Variants in MLLT10 observed in about 807,000 individuals in gnomAD.
MLLT10 encodes MLLT10 histone lysine methyltransferase DOT1L cofactor.
In MLLT10, 30 loss-of-function variants were observed where a neutral mutation model predicts 129.1. The ratio of observed to expected loss-of-function variants is 0.23; its 90% CI spans 0.17 to 0.32. The LOEUF (loss-of-function observed/expected upper bound fraction) is 0.32, where lower values mean the gene tolerates loss of function less well. MLLT10 is among the 10% of genes least tolerant of loss of function. The probability of loss-of-function intolerance (pLI) is 1.00; values close to 1 mark genes in which losing one functional copy is unlikely to be tolerated. For synonymous variants in MLLT10, 490 were observed against 446.4 expected (o/e 1.10, Z -1.23); for missense variants, 1,119 against 1,268.3 (o/e 0.88, Z 1.79).
chr10:21,600,588 T>C (rs936547314), intron 5 of MLLT10, among the ~76,000 whole-genome samples: 2 of 152,236 alleles, frequency 1.3e-5, no homozygotes, highest in African/African-American at 4.8e-5. Context: ...GCATTGAATA[T>C]ATTTGCATTT....
At chr10:21,561,408 A>G (rs1268623062) in intron 3 of MLLT10, among the ~76,000 whole-genome samples, 1 of 151,990 alleles carries the variant, frequency 6.6e-6, no homozygotes, top group Non-Finnish European at 1.5e-5. Context: ...CTACAGGCAC[A>G]TGCCACCACA....
intron 4 of MLLT10, among the ~76,000 whole-genome samples, chr10:21,593,801 C>T (rs866026142): frequency 6.6e-6 from 1 of 151,540 alleles, no homozygotes; most frequent in Non-Finnish European, 1.5e-5. Context: ...GTGGTGGGCA[C>T]CTGTAATCCC....
chr10:21,537,860 T>A (rs768972665), intron 2 of MLLT10, among the ~76,000 whole-genome samples: 2 of 152,250 alleles, frequency 1.3e-5, no homozygotes, highest in Non-Finnish European at 2.9e-5. Context: ...TGGTTATTAG[T>A]GTTTTTAGAG....
chr10:21,597,616 C>T (rs912684231), intron 5 of MLLT10, among the ~76,000 whole-genome samples: 3 of 152,190 alleles, frequency 2.0e-5, no homozygotes, highest in African/African-American at 7.2e-5. Context: ...AAGTGATCTG[C>T]CTCCCTCAGC....
intron 7 of MLLT10, among the ~76,000 whole-genome samples, chr10:21,616,448 A>G (rs2131209716): frequency 6.6e-6 from 1 of 152,216 alleles, no homozygotes; most frequent in Non-Finnish European, 1.5e-5. Flanking sequence ...TGTGGTACCA[A>G]CTTTTAAACA....
chr10:21,644,466 C>T (rs961696802), intron 8 of MLLT10, among the ~76,000 whole-genome samples: 6 of 151,946 alleles, frequency 3.9e-5, no homozygotes, highest in Non-Finnish European at 5.9e-5. Context: ...GGAGGAGGGG[C>T]GCAGTATAAG....
At chr10:21,534,977 G>T (rs935886258) in intron 2 of MLLT10, among the ~76,000 whole-genome samples, 173 bp downstream of exon 2, 1 of 149,592 alleles carries the variant, frequency 6.7e-6, no homozygotes, top group African/African-American at 2.4e-5. Flanking sequence ...GAGAAAGTGC[G>T]TGTGGCCCGG....
chr10:21,635,206 T>A (rs958545637), intron 8 of MLLT10, among the ~76,000 whole-genome samples: 1 of 152,168 alleles, frequency 6.6e-6, no homozygotes, highest in Non-Finnish European at 1.5e-5. Context: ...TGACTAAATA[T>A]TTAGTGCTTT....
At position 21,713,945 on chromosome 10, in the gene MLLT10, A is replaced by G. The variant is rs373142344; in HGVS notation, c.1873A>G (p.Thr625Ala). The change falls in exon 14 of 23, where the codon ACT becomes GCT. Residue 625 changes from threonine to alanine, a missense_variant. Physicochemically the swap from Thr to Ala is moderately conservative, Grantham distance 58 (BLOSUM62 0). This residue lies in a region of MLLT10 where 1,004 missense variants were observed against 1,008.7 expected (regional missense o/e 1.00). Transcript: ENST00000307729. Reference protein sequence around the residue: ...VSSAAPAVATTQANTLSGSSL... With the variant: ...VSSAAPAVATAQANTLSGSSL... ...ATCTGCAGCCCCTGCTGTTGCTACAACTCAGGTAAGTTGTTACACTATCAT... is the reference window on the plus strand; with the variant it reads ...ATCTGCAGCCCCTGCTGTTGCTACAGCTCAGGTAAGTTGTTACACTATCAT... The G allele has an allele frequency of 2.7e-5, 44 of 1,609,892 alleles. No individual in the cohort carries two copies. The African/African-American group carries it at 4.7e-4, about 17-fold the overall frequency.
At chr10:21,730,601 C>G (rs1459349434) in intron 16 of MLLT10, among the ~76,000 whole-genome samples, 1 of 152,000 alleles carries the variant, frequency 6.6e-6, no homozygotes, top group Non-Finnish European at 1.5e-5. Flanking sequence ...AATGCCATAC[C>G]AAGTTATTTT....
chr10:21,597,623 C>G (rs2043141928), intron 5 of MLLT10, among the ~76,000 whole-genome samples: 1 of 152,196 alleles, frequency 6.6e-6, no homozygotes, highest in Non-Finnish European at 1.5e-5. Context: ...CTGCCTCCCT[C>G]AGCCTCTGAA....
intron 13 of MLLT10, among the ~76,000 whole-genome samples, chr10:21,699,369 G>A (rs981020841): frequency 6.6e-6 from 1 of 151,358 alleles, no homozygotes; most frequent in Non-Finnish European, 1.5e-5. Context: ...TATGTCTTTT[G>A]CTGTGCAGGA....
intron 16 of MLLT10, among the ~76,000 whole-genome samples, chr10:21,729,166 CT>C (rs1210233645): frequency 6.6e-6 from 1 of 151,982 alleles, no homozygotes; most frequent in Non-Finnish European, 1.5e-5. Flanking sequence ...TCTGACTAGT[CT>C]GTGATTTTAT....
chr10:21,704,006 ATTGTTTT>A (rs1365861185), intron 13 of MLLT10, among the ~76,000 whole-genome samples: 38 of 67,846 alleles, frequency 5.6e-4, no homozygotes, highest in East Asian at 4.6e-3. Context: ...TTGGATTTCG[ATTGTTTT>A]TTGTTTTTTT....
chr10:21,649,187 C>T (rs371642409), intron 8 of MLLT10, among the ~76,000 whole-genome samples: 2 of 152,146 alleles, frequency 1.3e-5, no homozygotes, highest in African/African-American at 4.8e-5. Flanking sequence ...GCAATCCTCC[C>T]GCCTTGGCCC....
intron 3 of MLLT10, 83 bp downstream of exon 3, chr10:21,538,995 G>GT (rs1267121886): frequency 1.1e-6 from 1 of 932,198 alleles, no homozygotes; most frequent in Non-Finnish European, 1.7e-6. Context: ...GGTTTGTGGG[G>GT]TTGTCAGTCA....
intron 3 of MLLT10, among the ~76,000 whole-genome samples, chr10:21,542,657 C>T (rs555828929): frequency 2.1e-4 from 32 of 152,248 alleles, no homozygotes; most frequent in Non-Finnish European, 4.0e-4. Flanking sequence ...GAGAGGATCA[C>T]GCCTGAGTTG....
chr10:21,539,108 A>G lies in MLLT10; in HGVS notation c.240+196A>G, dbSNP rs2034613667. On this transcript the variant is annotated intron_variant, in intron 3 of 22. Transcript: ENST00000307729. The stretch of plus-strand genomic sequence containing the variant: ...GAAAAACAAATGGAATCAAGTGAGT[A>G]TATTTTGGATACTTTGAAAACAAAA... 8.4e-6 allele frequency: 4 copies of G among 475,652 alleles called. No individual in the cohort carries two copies. The South Asian group carries it at 1.3e-4, about 15-fold the overall frequency. The allele number at this position is 475,652 out of a possible 1,614,324, so 29.5% of individuals were successfully genotyped here.
intron 10 of MLLT10, 49 bp from the exon 11 acceptor site, chr10:21,673,301 T>TAG: frequency 8.4e-6 from 2 of 237,940 alleles, no homozygotes; most frequent in East Asian, 7.3e-5. Context: ...AATTTTTCTG[T>TAG]CCCCCCCACC....
Sources: allele counts gnomAD v4.1 joint callset (sites outside exome capture counted in the v4.1 genomes callset), GRCh38; gene constraint gnomAD v4.1.1; regional missense constraint gnomAD v4.1.1; transcripts MANE v1.5; gene names NCBI Gene and HGNC (gene_info 2026-07-23, HGNC 2026-07-21).